The following MAD1L1 variants were observed in gnomAD, a reference collection of about 807,000 sequenced individuals.
MAD1L1 encodes mitotic arrest deficient 1 like 1.
In MAD1L1, 95 loss-of-function variants were observed where a neutral mutation model predicts 96.9. The observed-to-expected ratio is 0.98, with a 90% CI of 0.83 to 1.16. MAD1L1 has a LOEUF of 1.16. MAD1L1 is among the 50% of genes most tolerant of loss of function. The probability of loss-of-function intolerance (pLI) is 0.00; values close to 1 mark genes in which losing one functional copy is unlikely to be tolerated. For missense variants in MAD1L1, 1,007 were observed against 954.4 expected (o/e 1.06, Z -0.73); for synonymous variants, 473 against 396.6 (o/e 1.19, Z -2.29).
chr7:2,127,798 C>T (rs150786898), intron 11 of MAD1L1, among the ~76,000 whole-genome samples: 155 of 152,250 alleles, frequency 1.0e-3, no homozygotes, highest in Middle Eastern at 3.4e-3. Flanking sequence ...GGGGAGCAGA[C>T]GCCTGCTAGG....
intron 15 of MAD1L1, among the ~76,000 whole-genome samples, chr7:1,980,210 G>C (rs1338477534): frequency 6.6e-6 from 1 of 151,998 alleles, no homozygotes; most frequent in Non-Finnish European, 1.5e-5. Context: ...GGACACGCCT[G>C]AGCATGTCCA....
chr7:2,174,762 A>C (rs562237949), intron 10 of MAD1L1, among the ~76,000 whole-genome samples: 1 of 152,326 alleles, frequency 6.6e-6, no homozygotes, highest in South Asian at 2.1e-4. Flanking sequence ...TTGTTAAAAT[A>C]ACCACTTTTA....
chr7:1,975,222 G>T (rs892784925), intron 15 of MAD1L1, among the ~76,000 whole-genome samples: 3 of 152,218 alleles, frequency 2.0e-5, no homozygotes, highest in Admixed American at 6.5e-5. Context: ...TCCTGCCCTG[G>T]GCTCCTGATC....
chr7:1,867,568 G>A (rs997852970), intron 18 of MAD1L1, among the ~76,000 whole-genome samples: 5 of 152,246 alleles, frequency 3.3e-5, no homozygotes, highest in South Asian at 2.1e-4. Flanking sequence ...GCCATGGGGC[G>A]CGGAGGCTTC....
chr7:2,004,686 G>A (rs1405567852), intron 13 of MAD1L1, among the ~76,000 whole-genome samples: 1 of 152,224 alleles, frequency 6.6e-6, no homozygotes, highest in Non-Finnish European at 1.5e-5. Flanking sequence ...GCGCCACGCG[G>A]GCAGGCTGCA....
intron 10 of MAD1L1, among the ~76,000 whole-genome samples, chr7:2,210,331 A>G (rs543102476): frequency 1.1e-4 from 16 of 152,224 alleles, no homozygotes; most frequent in Admixed American, 7.8e-4. Flanking sequence ...GCAGCCTCCC[A>G]AACCACTGGG....
chr7:2,018,845 C>T (rs1190403557), intron 12 of MAD1L1, among the ~76,000 whole-genome samples: 3 of 152,078 alleles, frequency 2.0e-5, no homozygotes, highest in African/African-American at 4.8e-5. Context: ...AGCCCAAGGC[C>T]GAGGCCCACT....
chr7:1,906,860 C>T (rs1034352387), intron 17 of MAD1L1, among the ~76,000 whole-genome samples: 3 of 152,234 alleles, frequency 2.0e-5, no homozygotes, highest in African/African-American at 7.2e-5. Context: ...ACACAGCGGA[C>T]GGGACACACA....
rs77343383 is a variant in MAD1L1, at chr7:2,188,083, G to A, written c.986+25129C>T. On this transcript the variant is annotated intron_variant, in intron 10 of 18. Coordinates refer to ENST00000265854, the MANE Select transcript of MAD1L1 (RefSeq NM_001013836.2). Reference sequence around the variant, plus strand: ...ATAAAAGACCTACATAATTCAGTGCGTCGATATTTTCAAATGAGCAATGTA... The same window carrying A: ...ATAAAAGACCTACATAATTCAGTGCATCGATATTTTCAAATGAGCAATGTA... Among the ~76,000 whole-genome samples the A allele has an allele frequency of 8.2e-3, 1,241 of 152,220 alleles. 18 individuals carry two copies. The highest frequency in any genetic ancestry group is 0.028 in the African/African-American group (1,161 of 41,522).
chr7:1,983,152 G>GCACA (rs1554319178), intron 14 of MAD1L1, among the ~76,000 whole-genome samples: 50 of 29,908 alleles, frequency 1.7e-3, no homozygotes, highest in African/African-American at 3.3e-3. Flanking sequence ...GCGCGCGCGC[G>GCACA]CGCACACACA....
intron 18 of MAD1L1, among the ~76,000 whole-genome samples, chr7:1,852,269 C>G (rs888973156): frequency 5.3e-5 from 8 of 152,220 alleles, no homozygotes; most frequent in African/African-American, 1.9e-4. Context: ...ATGACGGCAG[C>G]TGGGTTCAGG....
At chr7:2,226,796 C>G (rs1394327883) in intron 3 of MAD1L1, among the ~76,000 whole-genome samples, 2 of 152,126 alleles carry the variant, frequency 1.3e-5, no homozygotes, top group Non-Finnish European at 2.9e-5. Flanking sequence ...TCAAGACCAG[C>G]CTGGCCAACA....
intron 17 of MAD1L1, among the ~76,000 whole-genome samples, chr7:1,901,416 C>T (rs55913423): frequency 0.012 from 1,773 of 152,290 alleles, 21 homozygotes; most frequent in Middle Eastern, 0.072. Context: ...TCTCAGAGAC[C>T]CCAGAAGCCA....
chr7:2,145,325 G>A (rs1789243665), intron 11 of MAD1L1, among the ~76,000 whole-genome samples: 1 of 152,222 alleles, frequency 6.6e-6, no homozygotes, highest in African/African-American at 2.4e-5. Flanking sequence ...CGCAACCCTG[G>A]AAAGCAGTAA....
chr7:1,929,574 C>T (rs1190227360), intron 17 of MAD1L1, among the ~76,000 whole-genome samples: 1 of 152,110 alleles, frequency 6.6e-6, no homozygotes. Context: ...GGACTCAGAT[C>T]CCCGAGAGCA....
chr7:2,118,795 C>A (rs1005810356), intron 11 of MAD1L1, among the ~76,000 whole-genome samples: 2 of 152,202 alleles, frequency 1.3e-5, no homozygotes, highest in Non-Finnish European at 2.9e-5. Flanking sequence ...CCAAAAGCCA[C>A]GTCATATCTC....
intron 11 of MAD1L1, among the ~76,000 whole-genome samples, chr7:2,096,833 T>A (rs3800898): frequency 6.6e-6 from 1 of 151,948 alleles, no homozygotes; most frequent in Non-Finnish European, 1.5e-5. Context: ...AGACCCATGG[T>A]ACAGCCCGAC....
At chr7:1,897,303 C>T (rs529554359) in intron 18 of MAD1L1, among the ~76,000 whole-genome samples, 4 of 149,700 alleles carry the variant, frequency 2.7e-5, no homozygotes, top group African/African-American at 7.5e-5. Flanking sequence ...AGACTGCAGG[C>T]AGTTTAGACG....
chr7:2,122,902 C>T (rs1205306385), intron 11 of MAD1L1, among the ~76,000 whole-genome samples: 1 of 152,218 alleles, frequency 6.6e-6, no homozygotes, highest in Non-Finnish European at 1.5e-5. Flanking sequence ...AGCGCCCCTC[C>T]CAGGTGAGCT....
Sources: allele counts gnomAD v4.1 joint callset (sites outside exome capture counted in the v4.1 genomes callset), GRCh38; gene constraint gnomAD v4.1.1; transcripts MANE v1.5; gene names NCBI Gene and HGNC (gene_info 2026-07-23, HGNC 2026-07-21).